ANKS1B: variants seen among roughly 807,000 people sequenced by gnomAD.
ANKS1B encodes ankyrin repeat and sterile alpha motif domain-containing protein 1B.
ANKS1B carries 36 observed loss-of-function variants against 148.3 expected under a neutral mutation model. The observed-to-expected ratio is 0.24, with a 90% CI of 0.19 to 0.32. The LOEUF (loss-of-function observed/expected upper bound fraction) is 0.32, where lower values mean the gene tolerates loss of function less well. ANKS1B is among the 10% of genes least tolerant of loss of function. The pLI, the probability that ANKS1B is intolerant of heterozygous loss-of-function variation, is 1.00. For missense variants in ANKS1B, 1,157 were observed against 1,542.6 expected, an observed-to-expected ratio of 0.75 and a Z score of 4.19; for synonymous variants, 542 against 560.8, an observed-to-expected ratio of 0.97 and a Z score of 0.47.
chr12:99,102,470 G>A (rs1204478026), intron 15 of ANKS1B, among the ~76,000 whole-genome samples: 2 of 152,118 alleles, frequency 1.3e-5, no homozygotes. Context: ...GTGACTGGGT[G>A]CACTGGGTCA....
chr12:98,801,179 C>A lies in ANKS1B; in HGVS notation c.3142-54G>T. 1 of 1,591,412 alleles carries A rather than the reference C, an allele frequency of 6.3e-7. No individual in the cohort carries two copies. The highest frequency in any genetic ancestry group is 8.6e-7 in the Non-Finnish European group (1 of 1,166,740). Reference sequence around the variant, plus strand: ...TATGAGCAGTCAGCAAAGTTCATTCCCTGTAGCTACCCTGAGCTCACCTTA... The same window carrying A: ...TATGAGCAGTCAGCAAAGTTCATTCACTGTAGCTACCCTGAGCTCACCTTA... On this transcript the variant is annotated intron_variant, in intron 20 of 26. Coordinates refer to ENST00000683438, the MANE Select transcript of ANKS1B (RefSeq NM_001352186.2). This position sits in a 1 kb window ranked among gnomAD's most constrained non-coding sequence, Gnocchi z 5.2.
chr12:99,053,042 A>G (rs2099967307), intron 17 of ANKS1B, 115 bp downstream of exon 17: 1 of 935,278 alleles, frequency 1.1e-6, no homozygotes. Flanking sequence ...GATATTTAAA[A>G]CAGAAGGCAT....
chr12:99,334,057 A>G (rs2088207780), intron 12 of ANKS1B, among the ~76,000 whole-genome samples: 1 of 151,804 alleles, frequency 6.6e-6, no homozygotes, highest in South Asian at 2.1e-4. Flanking sequence ...GAATATTTAT[A>G]ATTCTGGGTC....
chr12:99,335,132 A>G (rs1315068177), intron 12 of ANKS1B, among the ~76,000 whole-genome samples: 1 of 151,668 alleles, frequency 6.6e-6, no homozygotes, highest in Admixed American at 6.6e-5. Flanking sequence ...TCTTTTTTCT[A>G]TTTACGTGTT....
At chr12:99,031,959 G>T (rs914057612) in intron 17 of ANKS1B, among the ~76,000 whole-genome samples, 1 of 152,196 alleles carries the variant, frequency 6.6e-6, no homozygotes, top group African/African-American at 2.4e-5. Context: ...ATTAAAAAAT[G>T]AAATGTAGCT....
intron 12 of ANKS1B, among the ~76,000 whole-genome samples, chr12:99,292,619 C>A (rs1293256520): frequency 1.3e-5 from 2 of 151,406 alleles, no homozygotes; most frequent in East Asian, 3.9e-4. Context: ...GGGCTAATAT[C>A]CAGAATCTAC....
intron 19 of ANKS1B, among the ~76,000 whole-genome samples, chr12:98,808,938 AGGCC>A (rs1303533187): frequency 6.6e-6 from 1 of 152,210 alleles, no homozygotes; most frequent in Non-Finnish European, 1.5e-5. Context: ...TATGGTTAAG[AGGCC>A]CGGCAAAGAA....
chr12:99,632,767 A>ATATATATT (rs1441486862), intron 9 of ANKS1B, among the ~76,000 whole-genome samples: 849 of 71,212 alleles, frequency 0.012, 56 homozygotes, highest in Non-Finnish European at 0.017. Context: ...ATATATATAT[A>ATATATATT]TTTTAATTAT....
chr12:98,974,025 T>C (rs2099887134), intron 17 of ANKS1B, among the ~76,000 whole-genome samples: 1 of 152,150 alleles, frequency 6.6e-6, no homozygotes, highest in Non-Finnish European at 1.5e-5. Context: ...ACAACCCTTG[T>C]GGATAAGAGA....
chr12:99,294,825 G>A lies in ANKS1B; in HGVS notation c.1757-47961C>T, dbSNP rs1314403931. ...TGTGCCACCACGCCCGGCTAATTTTGTATTTTTAGTAGAGACGGGGTTTCT... is the reference window on the plus strand; with the variant it reads ...TGTGCCACCACGCCCGGCTAATTTTATATTTTTAGTAGAGACGGGGTTTCT... On this transcript the variant is annotated intron_variant, in intron 12 of 26. Coordinates refer to ENST00000683438, the MANE Select transcript of ANKS1B (RefSeq NM_001352186.2). 2.6e-5 allele frequency among the ~76,000 whole-genome samples: 4 copies of A among 152,212 alleles called. No individual in the cohort carries two copies. The East Asian group carries it at 7.7e-4, about 29-fold the overall frequency.
chr12:98,921,451 A>C (rs2099801312), intron 17 of ANKS1B, among the ~76,000 whole-genome samples: 1 of 152,122 alleles, frequency 6.6e-6, no homozygotes, highest in Non-Finnish European at 1.5e-5. Flanking sequence ...CTGTTTTTCT[A>C]CCTGATATTA....
At chr12:98,990,919 T>C (rs1399293840) in intron 17 of ANKS1B, among the ~76,000 whole-genome samples, 1 of 151,818 alleles carries the variant, frequency 6.6e-6, no homozygotes, top group Non-Finnish European at 1.5e-5. Flanking sequence ...GTGTCTTTAG[T>C]TGGCTTGTCC....
intron 1 of ANKS1B, among the ~76,000 whole-genome samples, chr12:99,922,888 C>A (rs2094394549): frequency 6.6e-6 from 1 of 151,876 alleles, no homozygotes; most frequent in Non-Finnish European, 1.5e-5. Context: ...GCATGAAGGC[C>A]CTCACCAGAT....
chr12:99,933,889 T>C (rs2094690297), intron 1 of ANKS1B, among the ~76,000 whole-genome samples: 1 of 152,180 alleles, frequency 6.6e-6, no homozygotes, highest in African/African-American at 2.4e-5. Context: ...TGTATATTGC[T>C]TTTACTGTGT....
intron 12 of ANKS1B, among the ~76,000 whole-genome samples, chr12:99,282,530 C>A (rs761876198): frequency 3.9e-5 from 6 of 152,130 alleles, no homozygotes; most frequent in Admixed American, 2.0e-4. Flanking sequence ...AAGGTCGAAG[C>A]AGGCCAATTA....
At chr12:99,408,061 A>G (rs1473784299) in intron 11 of ANKS1B, among the ~76,000 whole-genome samples, 1 of 146,194 alleles carries the variant, frequency 6.8e-6, no homozygotes, top group African/African-American at 2.6e-5. Flanking sequence ...AGCAAAAAGA[A>G]TAAAACTGGA....
rs190655853 is a variant in ANKS1B, at chr12:99,821,320, G to A, written c.215+3989C>T. Among the ~76,000 whole-genome samples the A allele has an allele frequency of 1.1e-4, 16 of 151,988 alleles. No homozygotes were observed. In the South Asian group the frequency reaches 2.3e-3, roughly 22 times the overall value. On this transcript the variant is annotated intron_variant, in intron 2 of 26. Coordinates refer to ENST00000683438, the MANE Select transcript of ANKS1B (RefSeq NM_001352186.2). Reference sequence around the variant, plus strand: ...AAAATTAAAAAGAAAAGATAAATGAGATCTTTCAGACAAAAGCACAGACAT... The same window carrying A: ...AAAATTAAAAAGAAAAGATAAATGAAATCTTTCAGACAAAAGCACAGACAT...
chr12:98,845,256 C>G (rs933572414), intron 17 of ANKS1B, among the ~76,000 whole-genome samples: 4 of 152,152 alleles, frequency 2.6e-5, no homozygotes, highest in Non-Finnish European at 5.9e-5. Flanking sequence ...AGGAACTTGT[C>G]AAAGTGATGA....
At chr12:99,602,279 C>T (rs1201845139) in intron 9 of ANKS1B, among the ~76,000 whole-genome samples, 1 of 151,980 alleles carries the variant, frequency 6.6e-6, no homozygotes, top group Non-Finnish European at 1.5e-5. Flanking sequence ...TCAAATCAGT[C>T]TTTCAGTCCT....
Sources: gnomAD v4.1 joint callset for allele counts (sites outside exome capture counted in the v4.1 genomes callset) on GRCh38, gnomAD v4.1.1 for gene constraint, Gnocchi (gnomAD v3.1) non-coding constraint, MANE v1.5 for transcripts, NCBI Gene and HGNC (gene_info 2026-07-23, HGNC 2026-07-21) for gene names.